FGF12: variants seen among roughly 807,000 people sequenced by gnomAD.
FGF12 encodes the protein fibroblast growth factor 12B.
A neutral mutation model predicts 23.6 loss-of-function variants in FGF12; 14 were observed. The ratio of observed to expected loss-of-function variants is 0.59; its 90% CI spans 0.39 to 0.93. The LOEUF (loss-of-function observed/expected upper bound fraction) is 0.93, where lower values mean the gene tolerates loss of function less well. Ranked by LOEUF, FGF12 falls within the 40% of genes least tolerant of loss-of-function variation. The pLI is 0.00. For missense variants in FGF12, 175 were observed against 217.8 expected, an observed-to-expected ratio of 0.80 and a Z score of 1.24; for synonymous variants, 62 against 77.3, an observed-to-expected ratio of 0.80 and a Z score of 1.04.
intron 4 of FGF12, among the ~76,000 whole-genome samples, chr3:192,253,364 C>T (rs1712162117): frequency 6.6e-6 from 1 of 151,638 alleles, no homozygotes. Flanking sequence ...ATCATGACTC[C>T]TGGCAAGAGT....
chr3:192,593,117 A>C (rs2108624127), intron 2 of FGF12, among the ~76,000 whole-genome samples: 1 of 151,840 alleles, frequency 6.6e-6, no homozygotes, highest in Middle Eastern at 3.4e-3. Context: ...AAAATCCTTC[A>C]TTGGTTTCCC....
At position 192,679,194 on chromosome 3, in the gene FGF12, G is replaced by T. The variant is rs143819770; in HGVS notation, c.13+47987C>A. ...GGTCATATTTAGATGGGAAATAGAA[G>T]CAGCAGGGTAAGTCTGGGATGCAAG... On this transcript the variant is annotated intron_variant, in intron 2 of 5. Coordinates refer to ENST00000445105, the MANE Select transcript of FGF12 (RefSeq NM_004113.6). Among the ~76,000 whole-genome samples, 610 of 152,300 alleles carry T rather than the reference G, an allele frequency of 4.0e-3. 3 individuals are homozygous for T. Among genetic ancestry groups the T allele is most frequent in the African/African-American group, 0.014 (586 of 41,558 alleles).
At chr3:192,327,038 A>C (rs1560071218) in intron 4 of FGF12, among the ~76,000 whole-genome samples, 1 of 152,220 alleles carries the variant, frequency 6.6e-6, no homozygotes, top group Non-Finnish European at 1.5e-5. Flanking sequence ...TGAAAAGCTC[A>C]TGGTTGTGGA....
rs546442637 is a variant in FGF12 at position 192,418,957 on chromosome 3, C to T, written c.14-58419G>A. ...AGATTTATTAGACACCTTCTACATA[C>T]CATGCACAGTCCTGGGCCCTACACA... On this transcript the variant is annotated intron_variant, in intron 2 of 5. Coordinates refer to ENST00000445105, the MANE Select transcript of FGF12 (RefSeq NM_004113.6). 7.2e-5 allele frequency among the ~76,000 whole-genome samples: 11 copies of T among 152,308 alleles called. No homozygotes were observed. In the East Asian group the frequency reaches 2.1e-3, roughly 29 times the overall value.
Position 192,174,940 on chromosome 3 carries a change from A to T in FGF12, c.229-4284T>A, listed in dbSNP as rs556404337. Among the ~76,000 whole-genome samples the T allele has an allele frequency of 2.6e-5, 4 of 152,350 alleles. No individual in the cohort carries two copies. In the South Asian group the frequency reaches 8.3e-4, roughly 32 times the overall value. The stretch of plus-strand genomic sequence containing the variant: ...CCAACTCATTATTCACTTTTCACAT[A>T]GCAGGAAAAATGCAATGAATCCTAT... On this transcript the variant is annotated intron_variant, in intron 4 of 5. Transcript: ENST00000445105.
At chr3:192,159,690 G>A (rs976230595) in intron 5 of FGF12, among the ~76,000 whole-genome samples, 4 of 152,246 alleles carry the variant, frequency 2.6e-5, no homozygotes, top group Middle Eastern at 3.4e-3. Context: ...GTTGTCAAGC[G>A]GTGGTGAATT....
intron 2 of FGF12, among the ~76,000 whole-genome samples, chr3:192,397,365 G>A (rs530025671): frequency 1.3e-5 from 2 of 152,218 alleles, no homozygotes; most frequent in Non-Finnish European, 2.9e-5. Flanking sequence ...CAGTTTCTCA[G>A]AGAAATATCC....
chr3:192,341,907 T>TAGAGTA (rs1717706871), intron 3 of FGF12, among the ~76,000 whole-genome samples: 3 of 152,040 alleles, frequency 2.0e-5, no homozygotes, highest in Non-Finnish European at 4.4e-5. Flanking sequence ...TCCTAACATT[T>TAGAGTA]GGAGTTAACA....
rs1577164954 is a variant in FGF12, at chr3:192,141,126, T to G, written c.*2883A>C. On this transcript the variant is annotated 3_prime_UTR_variant, in exon 6 of 6. Transcript: ENST00000445105. ...TTCCTGGGAAAAATCCCAATGCAACTCCAAAAAAAAAAAAAAAAAAAAAAA... is the reference window on the plus strand; with the variant it reads ...TTCCTGGGAAAAATCCCAATGCAACGCCAAAAAAAAAAAAAAAAAAAAAAA... 1.4e-4 allele frequency: 1 copy of G among 7,202 alleles called. No individual in the cohort carries two copies. Among genetic ancestry groups the G allele is most frequent in the Non-Finnish European group, 2.1e-4 (1 of 4,676 alleles). 0.4% of individuals were successfully genotyped at this position (7,202 alleles called of 1,614,324 possible). A position where few individuals can be genotyped will look rare whatever the true frequency, so the allele number is the denominator to read the frequency against.
chr3:192,326,310 T>C (rs1716817490), intron 4 of FGF12, among the ~76,000 whole-genome samples: 1 of 152,156 alleles, frequency 6.6e-6, no homozygotes, highest in Admixed American at 6.5e-5. Context: ...TCCTAAATGA[T>C]GGGAGAAATT....
chr3:192,321,154 A>T (rs987405312), intron 4 of FGF12, among the ~76,000 whole-genome samples: 12 of 152,090 alleles, frequency 7.9e-5, no homozygotes, highest in African/African-American at 2.4e-4. Context: ...AGAAATTCAA[A>T]GGATCACCAG....
chr3:192,620,905 A>G (rs1714953332), intron 2 of FGF12, among the ~76,000 whole-genome samples: 1 of 152,118 alleles, frequency 6.6e-6, no homozygotes, highest in South Asian at 2.1e-4. Context: ...GTCTACGTAT[A>G]TACCAGTATG....
chr3:192,361,478 C>T (rs1718725071), intron 2 of FGF12, among the ~76,000 whole-genome samples: 1 of 152,086 alleles, frequency 6.6e-6, no homozygotes, highest in Non-Finnish European at 1.5e-5. Context: ...AAGAAAAATG[C>T]TGCTTCTGGT....
intron 2 of FGF12, among the ~76,000 whole-genome samples, chr3:192,669,602 T>TA (rs59897483): frequency 0.024 from 1,451 of 59,514 alleles, 46 homozygotes; most frequent in African/African-American, 0.048. Context: ...GACTCTGTCT[T>TA]AAAAAAAAAA....
intron 2 of FGF12, among the ~76,000 whole-genome samples, chr3:192,507,555 T>C (rs1419121197): frequency 6.6e-6 from 1 of 152,158 alleles, no homozygotes; most frequent in Non-Finnish European, 1.5e-5. Flanking sequence ...ACGATAAGAT[T>C]TGCAAGCCCA....
rs77981198 is a variant in FGF12 at position 192,146,684 on chromosome 3, T to G, written c.428-2557A>C. 9.6e-3 allele frequency among the ~76,000 whole-genome samples: 1,457 copies of G among 152,296 alleles called. 22 individuals are homozygous for G. The highest frequency in any genetic ancestry group is 0.03 in the African/African-American group (1,238 of 41,562). On this transcript the variant is annotated intron_variant, in intron 5 of 5. Transcript: ENST00000445105. The stretch of plus-strand genomic sequence containing the variant: ...ACATTCACTTGGACTTTTATCTTTT[T>G]TTTTGTTTTGTTTTCTATTTCTCAC...
chr3:192,575,806 T>A (rs948088331), intron 2 of FGF12, among the ~76,000 whole-genome samples: 13 of 152,050 alleles, frequency 8.5e-5, no homozygotes, highest in Non-Finnish European at 1.8e-4. Context: ...CTGTAGGGTG[T>A]TGAGAAGCTT....
chr3:192,481,560 A>G (rs940984309), intron 2 of FGF12, among the ~76,000 whole-genome samples: 3 of 152,208 alleles, frequency 2.0e-5, no homozygotes, highest in Non-Finnish European at 4.4e-5. Context: ...GATTTCATGA[A>G]TGTTGTTCAG....
intron 2 of FGF12, among the ~76,000 whole-genome samples, chr3:192,710,116 C>T (rs192650179): frequency 6.6e-6 from 1 of 152,268 alleles, no homozygotes; most frequent in Admixed American, 6.5e-5. Flanking sequence ...ACCTTAATGA[C>T]CCTTACGTCT....
Sources: gnomAD v4.1 joint callset for allele counts (sites outside exome capture counted in the v4.1 genomes callset) on GRCh38, gnomAD v4.1.1 for gene constraint, MANE v1.5 for transcripts, NCBI Gene and HGNC (gene_info 2026-07-23, HGNC 2026-07-21) for gene names.